The following FNBP1L variants were observed in gnomAD, a reference collection of about 807,000 sequenced individuals.
FNBP1L encodes the protein formin-binding protein 1-like.
A neutral mutation model predicts 91.2 loss-of-function variants in FNBP1L; 36 were observed. The observed-to-expected ratio is 0.39, with a 90% CI of 0.30 to 0.52. The LOEUF (loss-of-function observed/expected upper bound fraction) is 0.52. Among genes scored for constraint, FNBP1L ranks in the 20% least tolerant of loss-of-function variants. The pLI, the probability that FNBP1L is intolerant of heterozygous loss-of-function variation, is 0.66. For missense variants in FNBP1L, 571 were observed against 732.1 expected (o/e 0.78, Z 2.54); for synonymous variants, 242 against 237.0 (o/e 1.02, Z -0.19).
chr1:93,450,058 G>C (rs950477331), intron 1 of FNBP1L, among the ~76,000 whole-genome samples: 4 of 152,048 alleles, frequency 2.6e-5, no homozygotes, highest in African/African-American at 9.7e-5. Flanking sequence ...GTGGAGGCAT[G>C]TTATTTAGAT....
intron 1 of FNBP1L, among the ~76,000 whole-genome samples, chr1:93,449,970 G>A (rs1409878058): frequency 2.0e-5 from 3 of 151,660 alleles, no homozygotes; most frequent in African/African-American, 7.3e-5. Context: ...TTTAACTTTT[G>A]CCTACTTAAA....
At position 93,540,899 on chromosome 1, in the gene FNBP1L, T is replaced by G. The variant is rs1570867543; in HGVS notation, c.1150-143T>G. ...CTTTCCCAAAATGTGCTTAAAATGG[T>G]TTTTCTGGCATAATTGTTTGGATTG... On this transcript the variant is annotated intron_variant, in intron 10 of 16. Transcript: ENST00000271234. The G allele has an allele frequency of 4.8e-6, 3 of 620,146 alleles. No individual in the cohort carries two copies. In the East Asian group the frequency reaches 9.5e-5, roughly 20 times the overall value. The allele number at this position is 620,146 out of a possible 1,614,324, so 38.4% of individuals were successfully genotyped here.
chr1:93,491,424 C>G (rs1047469946), intron 1 of FNBP1L, among the ~76,000 whole-genome samples: 49 of 151,876 alleles, frequency 3.2e-4, no homozygotes, highest in African/African-American at 1.1e-3. Flanking sequence ...GGGTCTTGCT[C>G]TGTCACCCAG....
chr1:93,482,533 T>A (rs1251742078), intron 1 of FNBP1L, among the ~76,000 whole-genome samples: 1 of 152,232 alleles, frequency 6.6e-6, no homozygotes, highest in African/African-American at 2.4e-5. Flanking sequence ...AATGAAGTTA[T>A]TTTTAAAAGT....
chr1:93,479,114 G>A (rs187525716), intron 1 of FNBP1L, among the ~76,000 whole-genome samples: 148 of 152,312 alleles, frequency 9.7e-4, no homozygotes, highest in African/African-American at 3.5e-3. Context: ...AGTACAAAGA[G>A]AGGAATTTTA....
At chr1:93,453,124 T>C (rs962810842) in intron 1 of FNBP1L, among the ~76,000 whole-genome samples, 3 of 152,224 alleles carry the variant, frequency 2.0e-5, no homozygotes, top group Non-Finnish European at 4.4e-5. Context: ...ACGGTTATTA[T>C]AGTTATTTCT....
intron 15 of FNBP1L, among the ~76,000 whole-genome samples, 157 bp downstream of exon 15, chr1:93,549,583 T>C (rs1289674032): frequency 6.6e-6 from 1 of 152,220 alleles, no homozygotes; most frequent in Non-Finnish European, 1.5e-5. Context: ...ATAACTGTAT[T>C]ACAAATGTAG....
intron 2 of FNBP1L, among the ~76,000 whole-genome samples, chr1:93,516,998 C>T (rs1671143783): frequency 6.6e-6 from 1 of 151,544 alleles, no homozygotes; most frequent in Non-Finnish European, 1.5e-5. Context: ...TTCTTCTTCA[C>T]CCTGTTCTTC....
chr1:93,486,810 T>G (rs140998875), intron 1 of FNBP1L, among the ~76,000 whole-genome samples: 1 of 152,226 alleles, frequency 6.6e-6, no homozygotes, highest in East Asian at 1.9e-4. Flanking sequence ...GGCTCAGTGC[T>G]CATTGCTCCA....
intron 1 of FNBP1L, among the ~76,000 whole-genome samples, chr1:93,471,820 T>C (rs931523295): frequency 2.0e-5 from 3 of 152,256 alleles, no homozygotes; most frequent in Non-Finnish European, 2.9e-5. Flanking sequence ...TAGTCATTTG[T>C]TTTGTGTATT....
intron 2 of FNBP1L, among the ~76,000 whole-genome samples, chr1:93,504,771 A>G (rs1208608836): frequency 6.6e-6 from 1 of 152,136 alleles, no homozygotes; most frequent in Non-Finnish European, 1.5e-5. Context: ...AGTTTTTAAA[A>G]TTGAGTTACT....
At chr1:93,474,726 G>A (rs770953839) in intron 1 of FNBP1L, among the ~76,000 whole-genome samples, 8 of 152,198 alleles carry the variant, frequency 5.3e-5, no homozygotes, top group Non-Finnish European at 1.0e-4. Context: ...TAGAGGTTCA[G>A]GGAAAGAATG....
chr1:93,539,845 CCAA>C (rs1203642169), intron 10 of FNBP1L, among the ~76,000 whole-genome samples: 1 of 152,046 alleles, frequency 6.6e-6, no homozygotes, highest in Non-Finnish European at 1.5e-5. Context: ...TAAGCAGTGA[CCAA>C]CTCATCAGAG....
chr1:93,530,409 A>T (rs1377587012), intron 6 of FNBP1L, among the ~76,000 whole-genome samples: 2 of 152,026 alleles, frequency 1.3e-5, no homozygotes, highest in Non-Finnish European at 2.9e-5. Context: ...TTAAAAGCAC[A>T]CTGTTTCAAG....
chr1:93,464,422 A>T (rs920270292), intron 1 of FNBP1L, among the ~76,000 whole-genome samples: 1 of 152,158 alleles, frequency 6.6e-6, no homozygotes, highest in African/African-American at 2.4e-5. Context: ...TGTTTCTATC[A>T]TATGTCTCTG....
At position 93,518,060 on chromosome 1, in the gene FNBP1L, G is replaced by C. The variant is rs374471231; in HGVS notation, c.141-4022G>C. On this transcript the variant is annotated intron_variant, in intron 2 of 16. Transcript: ENST00000271234. The stretch of plus-strand genomic sequence containing the variant: ...TCAAGTAATACATGTATGACAAATG[G>C]TAACTCCTTGTTTCTGTTATTGTCT... 7.9e-5 allele frequency among the ~76,000 whole-genome samples: 12 copies of C among 152,216 alleles called. No homozygotes were observed. In the East Asian group the frequency reaches 1.7e-3, roughly 22 times the overall value.
At chr1:93,469,270 G>T (rs1669202008) in intron 1 of FNBP1L, among the ~76,000 whole-genome samples, 1 of 124,732 alleles carries the variant, frequency 8.0e-6, no homozygotes, top group Non-Finnish European at 1.6e-5. Context: ...AGTGTGTGAT[G>T]TTCCCCTCCC....
intron 12 of FNBP1L, among the ~76,000 whole-genome samples, chr1:93,546,180 A>C (rs1001846499): frequency 3.9e-5 from 6 of 152,126 alleles, no homozygotes; most frequent in African/African-American, 1.4e-4. Flanking sequence ...GAAGGCAGTG[A>C]GGGAGATTGT....
chr1:93,505,491 T>C (rs982342629), intron 2 of FNBP1L, among the ~76,000 whole-genome samples: 2 of 152,074 alleles, frequency 1.3e-5, no homozygotes, highest in African/African-American at 2.4e-5. Context: ...AGGAAGTAAC[T>C]TGTGGAATGT....
Sources: gnomAD v4.1 joint callset for allele counts (sites outside exome capture counted in the v4.1 genomes callset) on GRCh38, gnomAD v4.1.1 for gene constraint, MANE v1.5 for transcripts, NCBI Gene and HGNC (gene_info 2026-07-23, HGNC 2026-07-21) for gene names.